The following ZNF236 variants were observed in gnomAD, a reference collection of about 807,000 sequenced individuals.
ZNF236 encodes the protein zinc finger protein 236.
In ZNF236, 50 loss-of-function variants were observed where a neutral mutation model predicts 191.2. That is an observed-to-expected ratio of 0.26 (90% CI 0.21 to 0.33). The LOEUF (loss-of-function observed/expected upper bound fraction) is 0.33. ZNF236 is among the 10% of genes least tolerant of loss of function. ZNF236 has a pLI of 1.00. For missense variants in ZNF236, 1,754 were observed against 2,374.5 expected, an observed-to-expected ratio of 0.74 and a Z score of 5.43; for synonymous variants, 907 against 928.8, an observed-to-expected ratio of 0.98 and a Z score of 0.43.
intron 30 of ZNF236, among the ~76,000 whole-genome samples, chr18:76,964,795 G>A (rs1393276052): frequency 2.6e-5 from 4 of 152,036 alleles, no homozygotes; most frequent in Admixed American, 6.6e-5. Flanking sequence ...GTTGGACAAC[G>A]CCTTTTATCA....
chr18:76,858,752 G>A (rs1312674094), intron 3 of ZNF236, among the ~76,000 whole-genome samples: 1 of 62,486 alleles, frequency 1.6e-5, no homozygotes, highest in African/African-American at 7.1e-5. Context: ...GGAAGGGGGA[G>A]AGGGCTCAGC....
chr18:76,968,418 T>C lies in ZNF236; in HGVS notation c.*79T>C. ...AGCAAAGCACTTGGAATCTCCGTTT[T>C]AAAGCTTCAAGTGTTAAAAATGCTA... On this transcript the variant is annotated 3_prime_UTR_variant, in exon 31 of 31. Transcript: ENST00000320610. 6.5e-7 allele frequency: 1 copy of C among 1,539,598 alleles called. No homozygotes were observed. The highest frequency in any genetic ancestry group is 1.4e-5 in the African/African-American group (1 of 70,560).
At chr18:76,910,300 C>A in intron 15 of ZNF236, 131 bp downstream of exon 15, 1 of 771,176 alleles carries the variant, frequency 1.3e-6, no homozygotes, top group Non-Finnish European at 2.0e-6. Flanking sequence ...TAACTTTTTG[C>A]ATGCATTGTA....
rs192595093 is a variant in ZNF236 at position 76,847,580 on chromosome 18, G to C, written c.56-1946G>C. On this transcript the variant is annotated intron_variant, in intron 1 of 30. Transcript: ENST00000320610. ...TCCCAGGTTCACGCCTTTCTCCTGTGTCAGCCTCCCGAGTAGCTGGGGCTA... is the reference window on the plus strand; with the variant it reads ...TCCCAGGTTCACGCCTTTCTCCTGTCTCAGCCTCCCGAGTAGCTGGGGCTA... Among the ~76,000 whole-genome samples the C allele has an allele frequency of 1.1e-4, 17 of 152,098 alleles. No individual in the cohort carries two copies. In the East Asian group the frequency reaches 1.4e-3, roughly 12 times the overall value.
At chr18:76,949,093 G>A (rs952948440) in intron 27 of ZNF236, among the ~76,000 whole-genome samples, 1 of 152,152 alleles carries the variant, frequency 6.6e-6, no homozygotes, top group Admixed American at 6.5e-5. Flanking sequence ...AAAAGCATTG[G>A]CAGCTTGGTC....
At chr18:76,843,657 T>C (rs1975581234) in intron 1 of ZNF236, among the ~76,000 whole-genome samples, 1 of 150,964 alleles carries the variant, frequency 6.6e-6, no homozygotes, top group African/African-American at 2.4e-5. Context: ...GCGCCTGTAG[T>C]CCCAGCTACT....
chr18:76,875,888 G>A lies in ZNF236; in HGVS notation c.840+224G>A, dbSNP rs895719288. ...TTTTTTGTCTTCTTGCTGACAGCAT[G>A]GCTTTGGGGAATAAATATTTGAAAA... On this transcript the variant is annotated intron_variant, in intron 6 of 30. Transcript: ENST00000320610. This position sits in a 1 kb window ranked among gnomAD's most constrained non-coding sequence, Gnocchi z 4.3. 2.6e-5 allele frequency among the ~76,000 whole-genome samples: 4 copies of A among 152,134 alleles called. No individual in the cohort carries two copies. Among genetic ancestry groups the A allele is most frequent in the Non-Finnish European group, 5.9e-5 (4 of 68,032 alleles).
At chr18:76,911,399 C>T (rs1425029979) in intron 16 of ZNF236, among the ~76,000 whole-genome samples, 1 of 152,166 alleles carries the variant, frequency 6.6e-6, no homozygotes, top group East Asian at 1.9e-4. Context: ...AATTTCAGAA[C>T]ATTTTTCTCA....
intron 1 of ZNF236, among the ~76,000 whole-genome samples, chr18:76,832,857 A>C (rs568478914): frequency 6.6e-6 from 1 of 152,098 alleles, no homozygotes; most frequent in African/African-American, 2.4e-5. Flanking sequence ...GAATCTAAAC[A>C]TGATCTCTCC....
At chr18:76,887,795 A>G (rs962478347) in intron 9 of ZNF236, 1 of 152,170 alleles carries the variant, frequency 6.6e-6, no homozygotes, top group African/African-American at 2.4e-5. Context: ...AGCACAGGAG[A>G]AACACACCCG....
At chr18:76,942,705 G>A (rs1968160420) in intron 26 of ZNF236, among the ~76,000 whole-genome samples, 1 of 150,370 alleles carries the variant, frequency 6.7e-6, no homozygotes, top group Non-Finnish European at 1.5e-5. Flanking sequence ...TAGTAGAGAC[G>A]GGGTTTCACC....
chr18:76,836,251 C>T (rs1031414873), intron 1 of ZNF236, among the ~76,000 whole-genome samples: 1 of 151,834 alleles, frequency 6.6e-6, no homozygotes. Context: ...GTGTCTCACT[C>T]TTTCAGTTGC....
rs1967980123 is a variant in ZNF236 at position 76,935,893 on chromosome 18, G to T, written c.4595-1263G>T. The T allele has an allele frequency of 6.7e-6, 3 of 447,618 alleles. No individual in the cohort carries two copies. In the Admixed American group the frequency reaches 7.1e-5, roughly 11 times the overall value. 27.7% of individuals were successfully genotyped at this position (447,618 alleles called of 1,614,324 possible). On this transcript the variant is annotated intron_variant, in intron 25 of 30. Coordinates refer to ENST00000320610, the MANE Select transcript of ZNF236 (RefSeq NM_001306089.2). ...TGTGCGGATGCTGGAGCAGGCGGGAGGGTCTGACCTAGCTATCTGTGGAGC... is the reference window on the plus strand; with the variant it reads ...TGTGCGGATGCTGGAGCAGGCGGGATGGTCTGACCTAGCTATCTGTGGAGC...
At chr18:76,914,230 A>C (rs1967295644) in intron 18 of ZNF236, among the ~76,000 whole-genome samples, 1 of 152,222 alleles carries the variant, frequency 6.6e-6, no homozygotes, top group South Asian at 2.1e-4. Context: ...TTCACAGCAC[A>C]GTGTGCTCAA....
intron 1 of ZNF236, among the ~76,000 whole-genome samples, chr18:76,838,871 T>C (rs550597724): frequency 6.6e-6 from 1 of 152,366 alleles, no homozygotes; most frequent in South Asian, 2.1e-4. Context: ...AAATCTTCAC[T>C]GTGCTCCATC....
intron 9 of ZNF236, chr18:76,886,262 G>A (rs1977053068): frequency 6.6e-6 from 1 of 152,236 alleles, no homozygotes; most frequent in Non-Finnish European, 1.5e-5. Flanking sequence ...TGAGAGATCT[G>A]ACAAATCTAA....
chr18:76,883,904 C>T lies in ZNF236; in HGVS notation c.1417+2392C>T, dbSNP rs1976971374. The stretch of plus-strand genomic sequence containing the variant: ...GTCTCGTAAGTCATAACATTAATTG[C>T]TTATAACTAACCTTCATTACGTTCC... On this transcript the variant is annotated intron_variant, in intron 9 of 30. Transcript: ENST00000320610. 2.0e-5 allele frequency among the ~76,000 whole-genome samples: 3 copies of T among 152,316 alleles called. No individual in the cohort carries two copies. In the South Asian group the frequency reaches 6.2e-4, roughly 32 times the overall value.
intron 1 of ZNF236, among the ~76,000 whole-genome samples, chr18:76,833,563 T>A (rs1975233281): frequency 6.6e-6 from 1 of 152,210 alleles, no homozygotes; most frequent in Non-Finnish European, 1.5e-5. Context: ...TGCGATATTA[T>A]TCTTTTTTGT....
intron 11 of ZNF236, among the ~76,000 whole-genome samples, chr18:76,902,477 C>G (rs906858327): frequency 6.6e-6 from 1 of 152,198 alleles, no homozygotes; most frequent in Non-Finnish European, 1.5e-5. Flanking sequence ...TCTGCCATCA[C>G]TGTTTTTGAG....
Sources: gnomAD v4.1 joint callset for allele counts (sites outside exome capture counted in the v4.1 genomes callset) on GRCh38, gnomAD v4.1.1 for gene constraint, Gnocchi (gnomAD v3.1) non-coding constraint, MANE v1.5 for transcripts, NCBI Gene and HGNC (gene_info 2026-07-23, HGNC 2026-07-21) for gene names.